Variants in LRP6 observed in about 807,000 individuals in gnomAD.
LRP6 encodes the protein LDL receptor related protein 6.
A neutral mutation model predicts 184.1 loss-of-function variants in LRP6; 43 were observed. The ratio of observed to expected loss-of-function variants is 0.23; its 90% CI spans 0.18 to 0.30. The LOEUF is 0.30. LRP6 is among the 10% of genes least tolerant of loss of function. LRP6 has a pLI of 1.00. For synonymous variants in LRP6, 719 were observed against 684.9 expected (o/e 1.05, Z -0.78); for missense variants, 1,571 against 2,005.3 (o/e 0.78, Z 4.14).
chr12:12,266,707 G>A lies in LRP6; in HGVS notation c.29C>T (p.Ala10Val), dbSNP rs1450902421. The change falls in exon 1 of 23, where the codon GCC becomes GTC. Residue 10 changes from alanine (A) to valine (V), a missense_variant. Physicochemically the swap from Ala to Val is moderately conservative, Grantham distance 64. Coordinates refer to ENST00000261349, the MANE Select transcript of LRP6 (RefSeq NM_002336.3). ...TCTCAGGAGCACACAGAAGCTGCAG[G>A]CCAGGAGGCTCCTCAGGACGGCCCC... MGAVLRSLL[A>V]CSFCVLLRAA... 2.5e-6 allele frequency: 4 copies of A among 1,613,662 alleles called. No individual in the cohort carries two copies. The African/African-American group carries it at 4.0e-5, about 16-fold the overall frequency.
At chr12:12,218,460 G>C (rs1236778950) in intron 2 of LRP6, among the ~76,000 whole-genome samples, 1 of 146,626 alleles carries the variant, frequency 6.8e-6, no homozygotes, top group Non-Finnish European at 1.5e-5. Flanking sequence ...CTGGGGAACA[G>C]ACCAAGACCC....
intron 16 of LRP6, 133 bp downstream of exon 16, chr12:12,138,192 A>T: frequency 2.6e-6 from 2 of 770,304 alleles, no homozygotes; most frequent in Admixed American, 2.2e-5. Context: ...AAGCATGGAG[A>T]GTTCAAAAAA....
rs138057291 is a variant in LRP6 at position 12,188,138 on chromosome 12, G to T, written c.648-1019C>A. On this transcript the variant is annotated intron_variant, in intron 3 of 22. Transcript: ENST00000261349. The stretch of plus-strand genomic sequence containing the variant: ...GAGGCAGAGAACTGCTTGAATCCAG[G>T]AGGCGGAGGTTGCAGTGAGCCGAGA... Among the ~76,000 whole-genome samples, 239 of 151,276 alleles carry T rather than the reference G, an allele frequency of 1.6e-3. 3 individuals are homozygous for T. In the East Asian group the frequency reaches 0.043, roughly 27 times the overall value.
chr12:12,193,586 T>C (rs1419486164), intron 3 of LRP6, among the ~76,000 whole-genome samples: 1 of 151,940 alleles, frequency 6.6e-6, no homozygotes, highest in Non-Finnish European at 1.5e-5. Flanking sequence ...AAAGGATTAT[T>C]AGGCAATACC....
At chr12:12,217,623 C>T (rs1048653742) in intron 2 of LRP6, among the ~76,000 whole-genome samples, 1 of 152,066 alleles carries the variant, frequency 6.6e-6, no homozygotes, top group Non-Finnish European at 1.5e-5. Flanking sequence ...TCAGATTTCC[C>T]TATTGCTAAA....
At chr12:12,170,138 C>T (rs1422628037) in intron 7 of LRP6, among the ~76,000 whole-genome samples, 2 of 152,118 alleles carry the variant, frequency 1.3e-5, no homozygotes, top group Non-Finnish European at 2.9e-5. Flanking sequence ...AGTTCAAGAC[C>T]AGCCTGGCCA....
intron 17 of LRP6, 25 bp from the exon 18 acceptor site, chr12:12,132,082 A>G: frequency 1.3e-6 from 2 of 1,504,344 alleles, no homozygotes; most frequent in African/African-American, 1.4e-5. Context: ...GGAGAAGGGG[A>G]GTGACAAAAA....
rs867111551 is a variant in LRP6 at position 12,125,372 on chromosome 12, G to C, written c.4373C>G (p.Pro1458Arg). 2 of 1,613,860 alleles carry C rather than the reference G, an allele frequency of 1.2e-6. No individual in the cohort carries two copies. The highest frequency in any genetic ancestry group is 1.7e-6 in the Non-Finnish European group (2 of 1,179,908). ...SLSIMGGSSG[P>R]PYDRAHVTGA... is the part of the protein sequence containing the mutation. Reference sequence around the variant, plus strand: ...TGTAACATGGGCTCGGTCATAGGGGGGTCCACTGCTTCCCCCCATGATACT... The same window carrying C: ...TGTAACATGGGCTCGGTCATAGGGGCGTCCACTGCTTCCCCCCATGATACT... The change falls in exon 21 of 23, where the codon CCC becomes CGC. Residue 1458 changes from proline (P) to arginine (R), a missense_variant. Coordinates refer to ENST00000261349, the MANE Select transcript of LRP6 (RefSeq NM_002336.3).
At chr12:12,157,993 T>TA (rs1331226519) in intron 12 of LRP6, among the ~76,000 whole-genome samples, 1 of 152,188 alleles carries the variant, frequency 6.6e-6, no homozygotes, top group Non-Finnish European at 1.5e-5. Context: ...CAAAAAAATC[T>TA]AGATTCAGGA....
At chr12:12,163,857 G>A (rs1565584859) in intron 9 of LRP6, among the ~76,000 whole-genome samples, 1 of 152,178 alleles carries the variant, frequency 6.6e-6, no homozygotes, top group Non-Finnish European at 1.5e-5. Flanking sequence ...GTTTTGGCTG[G>A]GCGCGGTGGC....
chr12:12,203,584 G>A (rs79933293), intron 2 of LRP6, among the ~76,000 whole-genome samples, 184 bp from the exon 3 acceptor site: 2,996 of 152,196 alleles, frequency 0.02, 100 homozygotes, highest in African/African-American at 0.063. Context: ...GGCCAACATG[G>A]TAAAAACCCA....
intron 2 of LRP6, among the ~76,000 whole-genome samples, chr12:12,209,690 A>G (rs137926455): frequency 0.013 from 1,929 of 152,346 alleles, 28 homozygotes; most frequent in Non-Finnish European, 0.02. Flanking sequence ...AGTATTTTTT[A>G]AGTTACCAAT....
At position 12,119,990 on chromosome 12, in the gene LRP6, A is replaced by AATACATATAT. The variant is rs1949576069; in HGVS notation, c.*1135_*1136insATATATGTAT. 1 of 45,514 alleles carries AATACATATAT rather than the reference A, an allele frequency of 2.2e-5. No individual in the cohort carries two copies. The highest frequency in any genetic ancestry group is 3.9e-5 in the Non-Finnish European group (1 of 25,692). The allele number at this position is 45,514 out of a possible 1,614,324, so 2.8% of individuals were successfully genotyped here. ...ACTCAGAAAACAAACAAACAAACAA[A>AATACATATAT]ATATATATATATATATATATATATA... On this transcript the variant is annotated 3_prime_UTR_variant, in exon 23 of 23. Transcript: ENST00000261349.
chr12:12,174,086 A>T lies in LRP6; in HGVS notation c.1545+5724T>A, dbSNP rs1382682504. Among the ~76,000 whole-genome samples, 308 of 152,260 alleles carry T rather than the reference A, an allele frequency of 2.0e-3. 2 individuals carry two copies. Among genetic ancestry groups the T allele is most frequent in the Non-Finnish European group, 1.6e-4 (11 of 68,004 alleles). On this transcript the variant is annotated intron_variant, in intron 7 of 22. Coordinates refer to ENST00000261349, the MANE Select transcript of LRP6 (RefSeq NM_002336.3). ...TAGGTATTTAAATTAGTTATTTTGA[A>T]TATTTCTCAAACTGAAGTATAATCA...
chr12:12,263,742 G>A (rs1013231710), intron 1 of LRP6, among the ~76,000 whole-genome samples: 11 of 151,860 alleles, frequency 7.2e-5, no homozygotes, highest in South Asian at 2.1e-4. Flanking sequence ...GCTGAGGTGG[G>A]AAGATCACAT....
chr12:12,239,108 C>T (rs1864994610), intron 2 of LRP6, among the ~76,000 whole-genome samples: 1 of 152,154 alleles, frequency 6.6e-6, no homozygotes, highest in South Asian at 2.1e-4. Context: ...CTAGAGGATC[C>T]TTAAGATTCC....
rs191985521 is a variant in LRP6, at chr12:12,197,316, A to T, written c.647+5887T>A. Among the ~76,000 whole-genome samples the T allele has an allele frequency of 9.1e-4, 139 of 152,296 alleles. 1 individual carries two copies. Among genetic ancestry groups the T allele is most frequent in the African/African-American group, 3.0e-3 (123 of 41,570 alleles). ...TGTACATTTCTTGCCCAAAACCTAG[A>T]ATCAGCAATTTTGCCAGAAAGGCTT... On this transcript the variant is annotated intron_variant, in intron 3 of 22. Coordinates refer to ENST00000261349, the MANE Select transcript of LRP6 (RefSeq NM_002336.3).
intron 1 of LRP6, among the ~76,000 whole-genome samples, chr12:12,255,840 G>A (rs1037161221): frequency 5.9e-5 from 9 of 152,002 alleles, no homozygotes; most frequent in African/African-American, 1.9e-4. Flanking sequence ...AAAGTGCTGG[G>A]ATTACAGGTG....
At chr12:12,130,549 C>T (rs1949736967) in intron 19 of LRP6, among the ~76,000 whole-genome samples, 1 of 152,142 alleles carries the variant, frequency 6.6e-6, no homozygotes, top group African/African-American at 2.4e-5. Flanking sequence ...ATAATATTTA[C>T]TCTTTTCTAG....
Sources: allele counts gnomAD v4.1 joint callset (sites outside exome capture counted in the v4.1 genomes callset), GRCh38; gene constraint gnomAD v4.1.1; transcripts MANE v1.5; gene names NCBI Gene and HGNC (gene_info 2026-07-23, HGNC 2026-07-21).